BAHCC1: variants seen among roughly 807,000 people sequenced by gnomAD.
The protein encoded by BAHCC1 is BAH and coiled-coil domain-containing protein 1.
A neutral mutation model predicts 88.2 loss-of-function variants in BAHCC1; 43 were observed. That is an observed-to-expected ratio of 0.49 (90% CI 0.38 to 0.63). The LOEUF is 0.63. BAHCC1 is among the 20% of genes least tolerant of loss of function. The pLI, the probability that BAHCC1 is intolerant of heterozygous loss-of-function variation, is 0.00. For missense variants in BAHCC1, 3,023 were observed against 1,654.8 expected (o/e 1.83, Z -14.34); for synonymous variants, 1,510 against 745.5 (o/e 2.03, Z -16.71).
At chr17:81,458,068 T>C (rs2029891104) in intron 17 of BAHCC1, 97 bp from the exon 18 acceptor site, 1 of 664,382 alleles carries the variant, frequency 1.5e-6, no homozygotes, top group South Asian at 1.7e-5. Flanking sequence ...CGGGCAGGGG[T>C]TGCTAGGTAA....
chr17:81,460,181 T>C (rs1555658685), intron 23 of BAHCC1, 96 bp from the exon 24 acceptor site: 2 of 671,412 alleles, frequency 3.0e-6, no homozygotes, highest in Admixed American at 2.2e-5. Flanking sequence ...CCCAGAGCCC[T>C]CCCCTCACCC....
chr17:81,433,546 G>C, intron 3 of BAHCC1, among the ~76,000 whole-genome samples: 1 of 142,326 alleles, frequency 7.0e-6, no homozygotes, highest in South Asian at 2.3e-4. Flanking sequence ...TCAGTCCACC[G>C]AGGCCCCTCC....
chr17:81,422,056 G>T, intron 2 of BAHCC1: 1 of 284,260 alleles, frequency 3.5e-6, no homozygotes, highest in Non-Finnish European at 7.3e-6. Context: ...TTGTCATCCA[G>T]GCGGGAGGGC....
Position 81,411,191 on chromosome 17 carries a change from G to T in BAHCC1, c.178+11274G>T, listed in dbSNP as rs1555647788. 7.7e-6 allele frequency: 4 copies of T among 517,836 alleles called. No individual in the cohort carries two copies. Among genetic ancestry groups the T allele is most frequent in the Non-Finnish European group, 1.5e-5 (4 of 259,708 alleles). The allele number at this position is 517,836 out of a possible 1,614,324, so 32.1% of individuals were successfully genotyped here. On this transcript the variant is annotated intron_variant, in intron 2 of 27. Transcript: ENST00000675386. This position sits in a 1 kb window ranked among gnomAD's most constrained non-coding sequence, Gnocchi z 6.2. Reference sequence around the variant, plus strand: ...GTCTCTGCCCCAGGCTGAGGCCGAGGGTCTGCGCCACCTGGGCATGCCCAG... The same window carrying T: ...GTCTCTGCCCCAGGCTGAGGCCGAGTGTCTGCGCCACCTGGGCATGCCCAG...
chr17:81,449,866 T>C (rs1555655395), intron 11 of BAHCC1, among the ~76,000 whole-genome samples: 2 of 152,072 alleles, frequency 1.3e-5, no homozygotes, highest in East Asian at 3.9e-4. Context: ...GGTCTGGGCT[T>C]GTGGCCCCCT....
At chr17:81,433,472 C>G (rs2064293443) in intron 3 of BAHCC1, among the ~76,000 whole-genome samples, 1 of 151,760 alleles carries the variant, frequency 6.6e-6, no homozygotes, top group Admixed American at 6.6e-5. Flanking sequence ...ACCGAGGCCC[C>G]TCCTGTGCCC....
chr17:81,425,690 G>A (rs1158523914), intron 2 of BAHCC1, among the ~76,000 whole-genome samples: 1 of 139,740 alleles, frequency 7.2e-6, no homozygotes, highest in Non-Finnish European at 1.6e-5. Flanking sequence ...GATGTGGTTG[G>A]TGGCGATGTG....
intron 15 of BAHCC1, among the ~76,000 whole-genome samples, chr17:81,455,749 G>A (rs1015382799): frequency 9.9e-5 from 15 of 152,100 alleles, no homozygotes; most frequent in African/African-American, 2.9e-4. Context: ...GGGCTCCTCC[G>A]GCTGCCGGCA....
rs781907542 is a variant in BAHCC1, at chr17:81,458,799, C to T, written c.5449-14C>T. ...GCCTGCACCCCACCCAAGCCTGACT[C>T]CTCTGGCCCCCAGGGCAAGGGCCGG... On this transcript the variant is annotated splice_polypyrimidine_tract_variant and intron_variant, in intron 19 of 27. Transcript: ENST00000675386. 2 of 762,216 alleles carry T rather than the reference C, an allele frequency of 2.6e-6. No homozygotes were observed. Among genetic ancestry groups the T allele is most frequent in the South Asian group, 1.4e-5 (1 of 73,050 alleles). 47.2% of individuals were successfully genotyped at this position (762,216 alleles called of 1,614,324 possible). A position where few individuals can be genotyped will look rare whatever the true frequency, so the allele number is the denominator to read the frequency against.
Position 81,444,157 on chromosome 17 carries a change from C to T in BAHCC1, c.2325-224C>T, listed in dbSNP as rs1352122941. On this transcript the variant is annotated intron_variant, in intron 6 of 27. Transcript: ENST00000675386. ...CTTTCAGGGGCCAGGAGATGGCCCC[C>T]AGTCAGCCCTGCAGAGCACTGAGGC... is the stretch of plus-strand genomic sequence containing the variant. 1.8e-5 allele frequency: 11 copies of T among 602,492 alleles called. No individual in the cohort carries two copies. In the Admixed American group the frequency reaches 2.1e-4, roughly 11 times the overall value. The allele number at this position is 602,492 out of a possible 1,614,324, so 37.3% of individuals were successfully genotyped here. A position where few individuals can be genotyped will look rare whatever the true frequency, so the allele number is the denominator to read the frequency against.
Position 81,456,524 on chromosome 17 carries a change from C to T in BAHCC1, c.4797C>T (p.His1599=), listed in dbSNP as rs781963356. Residue 1599 remains histidine, a synonymous_variant, in exon 16 of 28, where the codon CAC becomes CAT. Coordinates refer to ENST00000675386, the MANE Select transcript of BAHCC1 (RefSeq NM_001377448.1). The part of the protein sequence containing the change: ...GATRHPQPKG[H]GSRETPRCPA... ...CACGGCACCCACAGCCCAAGGGCCA[C>T]GGCAGCCGGGAGACACCCAGGTGCC... The T allele has an allele frequency of 4.6e-5, 33 of 715,800 alleles. No individual in the cohort carries two copies. Among genetic ancestry groups the T allele is most frequent in the South Asian group, 1.5e-4 (10 of 67,342 alleles). 44.3% of individuals were successfully genotyped at this position (715,800 alleles called of 1,614,324 possible). A position where few individuals can be genotyped will look rare whatever the true frequency, so the allele number is the denominator to read the frequency against.
At position 81,457,434 on chromosome 17, in the gene BAHCC1, G is replaced by T. The variant is rs782478726; in HGVS notation, c.4883G>T (p.Cys1628Phe). The T allele has an allele frequency of 2.6e-6, 2 of 772,122 alleles. No homozygotes were observed. Among genetic ancestry groups the T allele is most frequent in the South Asian group, 2.7e-5 (2 of 73,042 alleles). 47.8% of individuals were successfully genotyped at this position (772,122 alleles called of 1,614,324 possible). The part of the protein sequence containing the change: ...EAGSGYDSED[C>F]EGLLGTEAPP... Reference sequence around the variant, plus strand: ...GGCAGTGGCTATGACAGTGAGGACTGCGAGGGTCTCCTGGGGACAGAGGCA... The same window carrying T: ...GGCAGTGGCTATGACAGTGAGGACTTCGAGGGTCTCCTGGGGACAGAGGCA... Residue 1628 changes from cysteine (C) to phenylalanine (F), a missense_variant, in exon 17 of 28, where the codon TGC becomes TTC. Physicochemically the swap from Cys to Phe is radical, Grantham distance 205. Coordinates refer to ENST00000675386, the MANE Select transcript of BAHCC1 (RefSeq NM_001377448.1).
intron 14 of BAHCC1, among the ~76,000 whole-genome samples, chr17:81,453,730 G>A (rs1248225325): frequency 6.6e-6 from 1 of 152,186 alleles, no homozygotes; most frequent in Non-Finnish European, 1.5e-5. Context: ...CTGGCTAGAA[G>A]GCAGCAGCCT....
Position 81,411,507 on chromosome 17 carries a change from C to A in BAHCC1, c.178+11590C>A, listed in dbSNP as rs782511034. The A allele has an allele frequency of 4.0e-6, 1 of 248,394 alleles. No homozygotes were observed. Among genetic ancestry groups the A allele is most frequent in the African/African-American group, 4.1e-5 (1 of 24,530 alleles). The allele number at this position is 248,394 out of a possible 1,614,324, so 15.4% of individuals were successfully genotyped here. ...GCCTGCCTGCCTGCCTGCCTGCCTG[C>A]CTGCCTGCCTTCCTTCCTTCCTTCC... On this transcript the variant is annotated intron_variant, in intron 2 of 27. Transcript: ENST00000675386. The surrounding 1 kb of genome is among the most constrained non-coding windows in gnomAD (Gnocchi z 6.2).
chr17:81,453,392 G>A (rs1286780104), intron 14 of BAHCC1, among the ~76,000 whole-genome samples: 2 of 152,282 alleles, frequency 1.3e-5, no homozygotes, highest in Admixed American at 6.5e-5. Context: ...CTCCAAACAC[G>A]ATTGGCGCGT....
chr17:81,424,074 G>A (rs1187149640), intron 2 of BAHCC1, among the ~76,000 whole-genome samples: 2 of 152,212 alleles, frequency 1.3e-5, no homozygotes, highest in African/African-American at 2.4e-5. Flanking sequence ...AAGCAGATCC[G>A]TCCTCAGCGC....
chr17:81,400,032 G>C, intron 2 of BAHCC1, 115 bp downstream of exon 2: 2 of 960,964 alleles, frequency 2.1e-6, no homozygotes. Context: ...GGCCCCGGCC[G>C]CGGTGGCTGC....
rs2064305953 is a variant in BAHCC1, at chr17:81,434,220, C to T, written c.359-4150C>T. ...GACAGTGCCCACAGCCTCCCACGTT[C>T]CCCAGGGCCTCCCAGGCTGGCTGCC... On this transcript the variant is annotated intron_variant, in intron 3 of 27. Coordinates refer to ENST00000675386, the MANE Select transcript of BAHCC1 (RefSeq NM_001377448.1). This position sits in a 1 kb window ranked among gnomAD's most constrained non-coding sequence, Gnocchi z 4.9. Among the ~76,000 whole-genome samples the T allele has an allele frequency of 6.6e-6, 1 of 152,178 alleles. No homozygotes were observed. Among genetic ancestry groups the T allele is most frequent in the Non-Finnish European group, 1.5e-5 (1 of 68,022 alleles).
intron 2 of BAHCC1, among the ~76,000 whole-genome samples, chr17:81,425,222 T>TG (rs2064167260): frequency 1.7e-5 from 1 of 58,282 alleles, no homozygotes; most frequent in Non-Finnish European, 3.0e-5. Context: ...GTGATGTGGT[T>TG]GGTGGTGATG....
Sources: gnomAD v4.1 joint callset for allele counts (sites outside exome capture counted in the v4.1 genomes callset) on GRCh38, gnomAD v4.1.1 for gene constraint, Gnocchi (gnomAD v3.1) non-coding constraint, MANE v1.5 for transcripts, NCBI Gene and HGNC (gene_info 2026-07-23, HGNC 2026-07-21) for gene names.